Variants in IGF1 observed in about 807,000 individuals in gnomAD.
IGF1 encodes the protein insulin like growth factor 1.
In IGF1, 4 loss-of-function variants were observed where a neutral mutation model predicts 13.8. The observed-to-expected ratio is 0.29, with a 90% CI of 0.14 to 0.66. The LOEUF (loss-of-function observed/expected upper bound fraction) is 0.66, where lower values mean the gene tolerates loss of function less well. IGF1 is among the 30% of genes least tolerant of loss of function. IGF1 has a pLI of 0.78. For missense variants in IGF1, 124 were observed against 188.5 expected (o/e 0.66, Z 2.00); for synonymous variants, 76 against 72.6 (o/e 1.05, Z -0.23).
intron 2 of IGF1, among the ~76,000 whole-genome samples, chr12:102,426,330 G>A (rs1876203564): frequency 6.6e-6 from 1 of 152,210 alleles, no homozygotes; most frequent in South Asian, 2.1e-4. Flanking sequence ...GAGAATGTAT[G>A]CAAAGTGTTT....
chr12:102,473,019 G>T (rs538228454), intron 2 of IGF1, among the ~76,000 whole-genome samples: 1 of 152,006 alleles, frequency 6.6e-6, no homozygotes. Flanking sequence ...CATTCTATTC[G>T]ATTGGATTCA....
chr12:102,477,719 C>T (rs1381959958), intron 1 of IGF1, among the ~76,000 whole-genome samples: 1 of 152,112 alleles, frequency 6.6e-6, no homozygotes, highest in East Asian at 1.9e-4. Flanking sequence ...GTATGTTATT[C>T]TACCGAATCC....
At chr12:102,468,147 CCT>C (rs1165445868) in intron 2 of IGF1, among the ~76,000 whole-genome samples, 1 of 152,136 alleles carries the variant, frequency 6.6e-6, no homozygotes, top group African/African-American at 2.4e-5. Context: ...CTTTTTGACC[CCT>C]CTTTTTTTTG....
At chr12:102,457,816 T>C (rs1465760764) in intron 2 of IGF1, among the ~76,000 whole-genome samples, 1 of 152,198 alleles carries the variant, frequency 6.6e-6, no homozygotes, top group African/African-American at 2.4e-5. Flanking sequence ...AAGAATTGTT[T>C]TCTTAACCAG....
At chr12:102,414,979 G>A (rs1007129420) in intron 3 of IGF1, among the ~76,000 whole-genome samples, 1 of 152,158 alleles carries the variant, frequency 6.6e-6, no homozygotes, top group Admixed American at 6.5e-5. Context: ...GGGAGTAATA[G>A]GTGTATAATA....
intron 2 of IGF1, chr12:102,463,378 G>T (rs1162013736): frequency 6.6e-6 from 1 of 152,200 alleles, no homozygotes; most frequent in African/African-American, 2.4e-5. Context: ...TAGCAAGTTA[G>T]GAATGTGTGA....
chr12:102,471,461 T>C (rs1363221889), intron 2 of IGF1, among the ~76,000 whole-genome samples: 2 of 152,188 alleles, frequency 1.3e-5, no homozygotes, highest in African/African-American at 2.4e-5. Flanking sequence ...GAAGCTTGAC[T>C]TAATAATAAT....
At chr12:102,418,064 A>G (rs999219828) in intron 3 of IGF1, 5 of 1,559,320 alleles carry the variant, frequency 3.2e-6, no homozygotes, top group Non-Finnish European at 4.4e-6. Context: ...GTCCCTTTGA[A>G]TGAGCTCAGA....
chr12:102,403,252 A>C (rs1477541619), intron 3 of IGF1, among the ~76,000 whole-genome samples: 1 of 152,006 alleles, frequency 6.6e-6, no homozygotes, highest in Non-Finnish European at 1.5e-5. Context: ...TAAATAATTA[A>C]TATATATAAA....
intron 2 of IGF1, among the ~76,000 whole-genome samples, chr12:102,465,845 G>A (rs936361702): frequency 6.6e-6 from 1 of 152,086 alleles, no homozygotes; most frequent in Non-Finnish European, 1.5e-5. Flanking sequence ...GCTGAGGCGG[G>A]AGAATTGCTT....
At chr12:102,448,239 C>T (rs1248533023) in intron 2 of IGF1, among the ~76,000 whole-genome samples, 29 of 147,294 alleles carry the variant, frequency 2.0e-4, no homozygotes, top group East Asian at 6.0e-4. Context: ...CACATGCACA[C>T]GTATGTTTAT....
intron 2 of IGF1, among the ~76,000 whole-genome samples, chr12:102,474,146 C>T (rs992991466): frequency 2.0e-5 from 3 of 152,150 alleles, no homozygotes; most frequent in Admixed American, 6.5e-5. Flanking sequence ...ATAATTATGA[C>T]CCACTGTTGG....
intron 2 of IGF1, among the ~76,000 whole-genome samples, chr12:102,460,667 A>G (rs967235115): frequency 2.0e-5 from 3 of 152,248 alleles, no homozygotes; most frequent in African/African-American, 7.2e-5. Context: ...AAGGGATTTT[A>G]GAGATTTTCA....
intron 3 of IGF1, among the ~76,000 whole-genome samples, chr12:102,411,396 A>G (rs1211508836): frequency 2.6e-5 from 4 of 152,186 alleles, no homozygotes; most frequent in Admixed American, 6.5e-5. Context: ...AAAGCCGTGA[A>G]AATAGCACAT....
intron 2 of IGF1, among the ~76,000 whole-genome samples, chr12:102,427,162 G>T (rs1876277435): frequency 1.3e-5 from 2 of 152,122 alleles, no homozygotes; most frequent in Non-Finnish European, 2.9e-5. Context: ...GAATAAGAAG[G>T]GATGTTGAGG....
intron 2 of IGF1, among the ~76,000 whole-genome samples, chr12:102,439,291 C>T (rs1050663682): frequency 9.9e-5 from 15 of 152,112 alleles, no homozygotes; most frequent in South Asian, 8.3e-4. Flanking sequence ...AGGCCCTTCT[C>T]GGATTGATAC....
intron 1 of IGF1, 142 bp from the exon 2 acceptor site, chr12:102,475,941 T>C (rs1881000153): frequency 4.6e-6 from 4 of 868,850 alleles, no homozygotes; most frequent in Non-Finnish European, 7.5e-6. Context: ...ATAGAGTACA[T>C]GAGAACCCAG....
intron 3 of IGF1, among the ~76,000 whole-genome samples, chr12:102,410,268 T>C (rs1476488732): frequency 6.6e-6 from 1 of 152,218 alleles, no homozygotes; most frequent in African/African-American, 2.4e-5. Flanking sequence ...TTAATAGTCA[T>C]GAAGGATGTT....
chr12:102,405,888 C>T (rs750104744), intron 3 of IGF1, among the ~76,000 whole-genome samples: 4 of 152,188 alleles, frequency 2.6e-5, no homozygotes, highest in Non-Finnish European at 5.9e-5. Context: ...TTAGATTGAC[C>T]AACCACATAC....
Sources: gnomAD v4.1 joint callset for allele counts (sites outside exome capture counted in the v4.1 genomes callset) on GRCh38, gnomAD v4.1.1 for gene constraint, MANE v1.5 for transcripts, NCBI Gene and HGNC (gene_info 2026-07-23, HGNC 2026-07-21) for gene names.